The following DHX57 variants were observed in gnomAD, a reference collection of about 807,000 sequenced individuals.
DHX57 encodes putative ATP-dependent RNA helicase DHX57.
In DHX57, 105 loss-of-function variants were observed where a neutral mutation model predicts 156.2. The observed-to-expected ratio is 0.67, with a 90% CI of 0.57 to 0.79. DHX57 has a LOEUF of 0.79. DHX57 is among the 30% of genes least tolerant of loss of function. DHX57 has a pLI of 0.00. For synonymous variants in DHX57, 704 were observed against 595.6 expected (o/e 1.18, Z -2.65); for missense variants, 1,847 against 1,661.9 (o/e 1.11, Z -1.94).
In DHX57 at chr2:38,861,171, G is replaced by C. The variant is rs1673179457; in HGVS notation, c.1239C>G (p.Thr413=). ...TSEPVVYSLI[T]LLEEESEIVK... ...CTATTTCCGACTCTTCCTCTAAAAG[G>C]GTTATCAAAGAATATACGACAGGTT... The change falls in exon 5 of 24, where the codon ACC becomes ACG. Residue 413 remains threonine (T), a synonymous_variant. Transcript: ENST00000457308. The C allele has an allele frequency of 6.2e-7, 1 of 1,614,106 alleles. No homozygotes were observed. Among genetic ancestry groups the C allele is most frequent in the South Asian group, 1.1e-5 (1 of 91,080 alleles).
intron 13 of DHX57, among the ~76,000 whole-genome samples, chr2:38,833,465 G>C (rs1671486872): frequency 6.6e-6 from 1 of 152,078 alleles, no homozygotes; most frequent in South Asian, 2.1e-4. Context: ...TTAGGATAGA[G>C]TAAGGGGATT....
rs780201266 is a variant in DHX57, at chr2:38,860,965, A to G, written c.1411+34T>C. The G allele has an allele frequency of 1.9e-6, 3 of 1,568,924 alleles. No homozygotes were observed. In the South Asian group the frequency reaches 3.5e-5, roughly 18 times the overall value. On this transcript the variant is annotated intron_variant, in intron 5 of 23. Coordinates refer to ENST00000457308, the MANE Select transcript of DHX57 (RefSeq NM_198963.3). ...TTGACTTCTAAACCCATCATTCTGA[A>G]TGCCTCCCTCCACAAGATCAATGCC...
At chr2:38,851,961 T>C (rs990623292) in intron 9 of DHX57, among the ~76,000 whole-genome samples, 1 of 152,122 alleles carries the variant, frequency 6.6e-6, no homozygotes, top group African/African-American at 2.4e-5. Flanking sequence ...TTTCTGGAGT[T>C]TCTACAAAAA....
At chr2:38,845,685 C>T (rs1464455474) in intron 11 of DHX57, among the ~76,000 whole-genome samples, 1 of 151,936 alleles carries the variant, frequency 6.6e-6, no homozygotes, top group Non-Finnish European at 1.5e-5. Context: ...TTGCGGAATC[C>T]TCAAGATCAG....
In DHX57 at chr2:38,802,673, T is replaced by G. The variant is rs1167097818; in HGVS notation, c.4017+42A>C. ...CATAACTTCATATTGTCAAAGCCCCTCATGGCCTGAGCCTCATAAAACAGA... is the reference window on the plus strand; with the variant it reads ...CATAACTTCATATTGTCAAAGCCCCGCATGGCCTGAGCCTCATAAAACAGA... On this transcript the variant is annotated intron_variant, in intron 23 of 23. Coordinates refer to ENST00000457308, the MANE Select transcript of DHX57 (RefSeq NM_198963.3). The G allele has an allele frequency of 3.7e-6, 6 of 1,609,796 alleles. No individual in the cohort carries two copies. The African/African-American group carries it at 6.7e-5, about 18-fold the overall frequency.
chr2:38,806,971 G>T (rs1210839911), intron 21 of DHX57, among the ~76,000 whole-genome samples: 1 of 150,976 alleles, frequency 6.6e-6, no homozygotes, highest in Admixed American at 6.6e-5. Context: ...GATATTTTGG[G>T]TCTGTACTGA....
In DHX57 at chr2:38,861,276, A is replaced by G. The variant is rs780854680; in HGVS notation, c.1134T>C (p.Asn378=). The G allele has an allele frequency of 1.9e-6, 3 of 1,614,190 alleles. No individual in the cohort carries two copies. Among genetic ancestry groups the G allele is most frequent in the African/African-American group, 2.7e-5 (2 of 75,062 alleles). Residue 378 remains asparagine, a synonymous_variant, in exon 5 of 24, where the codon AAT becomes AAC. Transcript: ENST00000457308. The part of the protein sequence containing the change: ...QAPLVAFYST[N]ENLPLACRLH... ...AACGACAAGCCAGAGGTAGGTTCTC[A>G]TTGGTGGAATAAAATGCCACGAGCG...
At chr2:38,827,533 TACAC>T (rs56064954) in intron 14 of DHX57, among the ~76,000 whole-genome samples, 12,020 of 47,268 alleles carry the variant, frequency 0.25, 1,447 homozygotes, top group South Asian at 0.32. Flanking sequence ...TATATATATA[TACAC>T]ACATACATAT....
chr2:38,875,384 G>C (rs1201163196), intron 1 of DHX57, among the ~76,000 whole-genome samples: 1 of 152,106 alleles, frequency 6.6e-6, no homozygotes, highest in African/African-American at 2.4e-5. Context: ...GCTCCATCCA[G>C]ATATCCAGAT....
In DHX57 at chr2:38,861,172, G is replaced by T. The variant is rs777687322; in HGVS notation, c.1238C>A (p.Thr413Asn). 1.2e-5 allele frequency: 20 copies of T among 1,614,018 alleles called. No individual in the cohort carries two copies. The highest frequency in any genetic ancestry group is 1.6e-5 in the Non-Finnish European group (19 of 1,179,970). Residue 413 changes from threonine to asparagine, a missense_variant, in exon 5 of 24, where the codon ACC (threonine) becomes AAC (asparagine). Transcript: ENST00000457308. The stretch of plus-strand genomic sequence containing the variant: ...TATTTCCGACTCTTCCTCTAAAAGG[G>T]TTATCAAAGAATATACGACAGGTTC... ...TSEPVVYSLI[T>N]LLEEESEIVK... is the part of the protein sequence containing the mutation.
intron 13 of DHX57, among the ~76,000 whole-genome samples, chr2:38,831,886 G>A (rs7588621): frequency 0.36 from 53,625 of 150,764 alleles, 9,742 homozygotes; most frequent in Admixed American, 0.38. Flanking sequence ...GGGGGACATG[G>A]TGGTGCACAC....
chr2:38,836,848 G>C (rs1194780086), intron 13 of DHX57, among the ~76,000 whole-genome samples: 4 of 151,776 alleles, frequency 2.6e-5, no homozygotes, highest in African/African-American at 7.3e-5. Flanking sequence ...AAAATGTGGT[G>C]TGTGGTTTTT....
chr2:38,823,360 C>G, intron 16 of DHX57, 91 bp from the exon 17 acceptor site: 1 of 1,295,718 alleles, frequency 7.7e-7, no homozygotes, highest in Non-Finnish European at 1.0e-6. Context: ...TAATAATTTA[C>G]AAGTTTAAAT....
chr2:38,811,573 CT>C, intron 21 of DHX57: 1 of 1,346,632 alleles, frequency 7.4e-7, no homozygotes, highest in Non-Finnish European at 1.0e-6. Flanking sequence ...ATGTCATAGC[CT>C]TGTTCCTTCA....
In DHX57 at chr2:38,854,170, G is replaced by A. The variant is rs1672760344; in HGVS notation, c.1914C>T (p.Ala638=). 6.2e-7 allele frequency: 1 copy of A among 1,613,630 alleles called. No individual in the cohort carries two copies. Among genetic ancestry groups the A allele is most frequent in the South Asian group, 1.1e-5 (1 of 91,000 alleles). ...CCGTGGTGCAGTATAACAGTCTGGT[G>A]GCTGAGGACTTACACATGAAAGGGC... The part of the protein sequence containing the change: ...QIRLESVKSS[A]TRLLYCTTGV... The change falls in exon 9 of 24, where the codon GCC becomes GCT. Residue 638 remains alanine, a synonymous_variant. Coordinates refer to ENST00000457308, the MANE Select transcript of DHX57 (RefSeq NM_198963.3).
chr2:38,831,625 C>T (rs951471824), intron 13 of DHX57, among the ~76,000 whole-genome samples: 1 of 151,904 alleles, frequency 6.6e-6, no homozygotes, highest in African/African-American at 2.4e-5. Flanking sequence ...GAGGCCAAAG[C>T]GGGCGGATCA....
At chr2:38,812,016 C>T (rs1000697810) in intron 21 of DHX57, among the ~76,000 whole-genome samples, 10 of 152,150 alleles carry the variant, frequency 6.6e-5, no homozygotes, top group African/African-American at 2.4e-4. Context: ...ACCTCAGCCT[C>T]CCAAAGTGCT....
intron 22 of DHX57, 111 bp from the exon 23 acceptor site, chr2:38,803,026 T>A (rs1669769745): frequency 8.5e-7 from 1 of 1,180,724 alleles, no homozygotes. Context: ...CCCAAATTTA[T>A]CTATAGCCCG....
In DHX57 at chr2:38,845,214, C is replaced by CA. The variant is rs374244836; in HGVS notation, c.2219+1804dup. Among the ~76,000 whole-genome samples the CA allele has an allele frequency of 4.3e-3, 630 of 147,944 alleles. 2 individuals are homozygous for CA. The highest frequency in any genetic ancestry group is 6.7e-3 in the Non-Finnish European group (450 of 66,728). ...GTCTTAAAAAAAAACAAAAAACAAACAAAAAAAAACCCATATATATATATA... is the reference window on the plus strand; with the variant it reads ...GTCTTAAAAAAAAACAAAAAACAAACAAAAAAAAAACCCATATATATATATA... On this transcript the variant is annotated intron_variant, in intron 11 of 23. Transcript: ENST00000457308.
Sources: gnomAD v4.1 joint callset for allele counts (sites outside exome capture counted in the v4.1 genomes callset) on GRCh38, gnomAD v4.1.1 for gene constraint, MANE v1.5 for transcripts, NCBI Gene and HGNC (gene_info 2026-07-23, HGNC 2026-07-21) for gene names.